Variants in TRIM14 observed in about 807,000 individuals in gnomAD.
TRIM14 encodes tripartite motif containing 14.
In TRIM14, 28 loss-of-function variants were observed where a neutral mutation model predicts 44.5. That is an observed-to-expected ratio of 0.63 (90% CI 0.47 to 0.86). TRIM14 has a LOEUF of 0.86. TRIM14 is among the 40% of genes least tolerant of loss of function. TRIM14 has a pLI of 0.00. For synonymous variants in TRIM14, 299 were observed against 269.2 expected (o/e 1.11, Z -1.08); for missense variants, 607 against 611.1 (o/e 0.99, Z 0.07).
Position 98,087,081 on chromosome 9 carries a change from C to T in TRIM14, c.*389G>A, listed in dbSNP as rs1358944153. On this transcript the variant is annotated 3_prime_UTR_variant, in exon 6 of 6. Coordinates refer to ENST00000341469, the MANE Select transcript of TRIM14 (RefSeq NM_014788.4). ...TGGATGACTCCCATTCATTCACAAA[C>T]GTTTACTGTGTGCCTACTATGTGTC... 1.7e-5 allele frequency: 7 copies of T among 415,958 alleles called. 1 individual carries two copies. The highest frequency in any genetic ancestry group is 7.9e-5 in the South Asian group (4 of 50,566). The allele number at this position is 415,958 out of a possible 1,614,324, so 25.8% of individuals were successfully genotyped here. A position where few individuals can be genotyped will look rare whatever the true frequency, so the allele number is the denominator to read the frequency against.
the TRIM14 span, among the ~76,000 whole-genome samples, chr9:98,059,470 A>G: frequency 6.6e-6 from 1 of 152,158 alleles, no homozygotes; most frequent in African/African-American, 2.4e-5. Flanking sequence ...GCTGGAGTGC[A>G]GTGGCACCAT....
At position 98,104,766 on chromosome 9, in the gene TRIM14, G is replaced by A. The variant is rs554703659; in HGVS notation, c.304-4602C>T. 3.0e-4 allele frequency among the ~76,000 whole-genome samples: 46 copies of A among 152,288 alleles called. No homozygotes were observed. The South Asian group carries it at 8.9e-3, about 29-fold the overall frequency. On this transcript the variant is annotated intron_variant, in intron 2 of 5. Coordinates refer to ENST00000341469, the MANE Select transcript of TRIM14 (RefSeq NM_014788.4). ...TGAACAGCCATGAAGCCCCGGTCAG[G>A]GAAGGCTGGGGGATTTTGCACTCAG...
At position 98,119,163 on chromosome 9, in the gene TRIM14, C is replaced by T. The variant is rs1827162827; in HGVS notation, c.26G>A (p.Arg9Gln). The change falls in exon 1 of 6, where the codon CGG (arginine) becomes CAG (glutamine). Residue 9 changes from arginine to glutamine, a missense_variant. Physicochemically the swap from Arg to Gln is conservative, Grantham distance 43. This residue lies in a region of TRIM14 where 246 missense variants were observed against 270.8 expected (regional missense o/e 0.91). Transcript: ENST00000341469. The stretch of plus-strand genomic sequence containing the variant: ...GACAAGCTCCGACCTCCCAGGGGTC[C>T]GGCTCCCGGTCGCCGCGCCCGCCAT... MAGAATGS[R>Q]TPGRSELVEG... 1.3e-6 allele frequency: 2 copies of T among 1,579,386 alleles called. No homozygotes were observed. The highest frequency in any genetic ancestry group is 1.7e-6 in the Non-Finnish European group (2 of 1,172,836).
At chr9:98,079,224 C>T (rs1387697976) in intron 6 of TRIM14, among the ~76,000 whole-genome samples, 1 of 152,214 alleles carries the variant, frequency 6.6e-6, no homozygotes, top group African/African-American at 2.4e-5. Context: ...GCCTTTGTCT[C>T]TTACTGTCTC....
intron 1 of TRIM14, among the ~76,000 whole-genome samples, chr9:98,110,846 C>G (rs1290466561): frequency 1.1e-5 from 1 of 89,022 alleles, no homozygotes; most frequent in East Asian, 2.5e-4. Context: ...GCCTCTACCA[C>G]AAAAAATAAA....
At chr9:98,047,432 A>C in the TRIM14 span, among the ~76,000 whole-genome samples, 1 of 152,140 alleles carries the variant, frequency 6.6e-6, no homozygotes, top group Non-Finnish European at 1.5e-5. Flanking sequence ...AAAGATACCC[A>C]AAAAGATATT....
chr9:98,067,711 G>A (rs1829188150), downstream of TRIM14, among the ~76,000 whole-genome samples: 1 of 151,766 alleles, frequency 6.6e-6, no homozygotes, highest in South Asian at 2.1e-4. Flanking sequence ...TCTTTGGGTT[G>A]TCTTTTTCAC....
chr9:98,068,993 T>A (rs1395198023), downstream of TRIM14, among the ~76,000 whole-genome samples: 1 of 152,214 alleles, frequency 6.6e-6, no homozygotes, highest in African/African-American at 2.4e-5. Flanking sequence ...ACATAATTCA[T>A]ATACTGTATA....
chr9:98,110,013 C>T (rs772662057), intron 1 of TRIM14, 29 bp from the exon 2 acceptor site: 19 of 1,556,804 alleles, frequency 1.2e-5, no homozygotes, highest in South Asian at 7.8e-5. Context: ...GGAAAAAAGT[C>T]GTAATACTGT....
chr9:98,107,382 A>C (rs1587969710), intron 2 of TRIM14, among the ~76,000 whole-genome samples: 1 of 152,194 alleles, frequency 6.6e-6, no homozygotes, highest in East Asian at 1.9e-4. Context: ...GACTGTACCA[A>C]ACAGCCTACA....
chr9:98,056,944 A>T, the TRIM14 span: 1 of 1,580,300 alleles, frequency 6.3e-7, no homozygotes, highest in Non-Finnish European at 8.6e-7. Context: ...GGCCAAGGTG[A>T]GGCGGCAGCT....
downstream of TRIM14, among the ~76,000 whole-genome samples, chr9:98,068,582 G>A (rs576208982): frequency 3.3e-5 from 5 of 151,780 alleles, no homozygotes; most frequent in South Asian, 8.3e-4. Context: ...GGGAAGCTGA[G>A]GTAGGAGGGT....
In TRIM14 at chr9:98,086,561, G is replaced by A. The variant is rs1319411205; in HGVS notation, c.*909C>T. On this transcript the variant is annotated 3_prime_UTR_variant, in exon 6 of 6. Coordinates refer to ENST00000341469, the MANE Select transcript of TRIM14 (RefSeq NM_014788.4). ...GCCTCCAATTTAGTTGGAAAGACAGGTCCCAGATTTGTGGCTCTGATAGTG... is the reference window on the plus strand; with the variant it reads ...GCCTCCAATTTAGTTGGAAAGACAGATCCCAGATTTGTGGCTCTGATAGTG... The A allele has an allele frequency of 6.6e-6, 1 of 152,212 alleles. No individual in the cohort carries two copies. Among genetic ancestry groups the A allele is most frequent in the African/African-American group, 2.4e-5 (1 of 41,426 alleles). The allele number at this position is 152,212 out of a possible 1,614,324, so 9.4% of individuals were successfully genotyped here. A position where few individuals can be genotyped will look rare whatever the true frequency, so the allele number is the denominator to read the frequency against.
the TRIM14 span, among the ~76,000 whole-genome samples, chr9:98,043,740 T>G: frequency 6.7e-6 from 1 of 149,250 alleles, no homozygotes; most frequent in Non-Finnish European, 1.5e-5. Flanking sequence ...AAAAAAAAAG[T>G]TTGGATCTAA....
downstream of TRIM14, among the ~76,000 whole-genome samples, chr9:98,084,021 A>G (rs1331103836): frequency 6.6e-6 from 1 of 152,232 alleles, no homozygotes; most frequent in African/African-American, 2.4e-5. Context: ...TGCGTAAGGA[A>G]TAAGATATGA....
downstream of TRIM14, chr9:98,083,112 T>C (rs1829963442): frequency 6.4e-6 from 10 of 1,552,758 alleles, no homozygotes; most frequent in South Asian, 2.3e-5. Flanking sequence ...TCAGGTGTGT[T>C]TGAGTGAGGC....
In TRIM14 at chr9:98,076,964, T is replaced by C. The variant is rs749393984; in HGVS notation, c.*29-7277A>G. ...GAACTGAATGTTCCATTTTTCAAAG[T>C]TGGATCTGGAGACACTAATAATTTT... On this transcript the variant is annotated intron_variant, in intron 6 of 6. Transcript: ENST00000375098. 6.2e-7 allele frequency: 1 copy of C among 1,612,302 alleles called. No individual in the cohort carries two copies. The highest frequency in any genetic ancestry group is 1.1e-5 in the South Asian group (1 of 90,326).
At chr9:98,089,505 T>G (rs1372722036) in intron 5 of TRIM14, among the ~76,000 whole-genome samples, 1 of 152,200 alleles carries the variant, frequency 6.6e-6, no homozygotes, top group African/African-American at 2.4e-5. Flanking sequence ...AATGTAATTA[T>G]AACCATTACC....
intron 2 of TRIM14, among the ~76,000 whole-genome samples, chr9:98,103,143 C>T (rs932346140): frequency 9.9e-5 from 15 of 151,994 alleles, no homozygotes; most frequent in African/African-American, 3.6e-4. Flanking sequence ...CGAGATCATG[C>T]CACTGCACTC....
Sources: gnomAD v4.1 joint callset for allele counts (sites outside exome capture counted in the v4.1 genomes callset) on GRCh38, gnomAD v4.1.1 for gene constraint, gnomAD v4.1.1 regional missense constraint, MANE v1.5 for transcripts, NCBI Gene and HGNC (gene_info 2026-07-23, HGNC 2026-07-21) for gene names.